Variants in PLEKHG1 observed in about 807,000 individuals in gnomAD.
The protein encoded by PLEKHG1 is pleckstrin homology and RhoGEF domain containing G1.
Under a neutral mutation model 100.8 loss-of-function variants are expected in PLEKHG1, and 44 were observed. That is an observed-to-expected ratio of 0.44 (90% CI 0.34 to 0.56). The LOEUF is 0.56. Among genes scored for constraint, PLEKHG1 ranks in the 20% least tolerant of loss-of-function variants. The probability of loss-of-function intolerance (pLI) is 0.01; values close to 1 mark genes in which losing one functional copy is unlikely to be tolerated. For missense variants in PLEKHG1, 1,545 were observed against 1,720.9 expected (o/e 0.90, Z 1.81); for synonymous variants, 640 against 662.5 (o/e 0.97, Z 0.52).
At chr6:150,744,378 C>A (rs1410032383) in intron 2 of PLEKHG1, among the ~76,000 whole-genome samples, 2 of 152,028 alleles carry the variant, frequency 1.3e-5, no homozygotes, top group African/African-American at 2.4e-5. Context: ...CTGGCCCCTG[C>A]CCTTCTTTTA....
At chr6:150,759,219 C>T (rs1004866555) in intron 2 of PLEKHG1, among the ~76,000 whole-genome samples, 2 of 152,138 alleles carry the variant, frequency 1.3e-5, no homozygotes, top group African/African-American at 4.8e-5. Flanking sequence ...AGCTGGTGTG[C>T]TTGGCTGAAG....
intron 15 of PLEKHG1, among the ~76,000 whole-genome samples, chr6:150,835,331 A>G (rs1360865860): frequency 6.6e-6 from 1 of 152,124 alleles, no homozygotes; most frequent in Non-Finnish European, 1.5e-5. Context: ...TACAGGCTTG[A>G]GAAATTTTCC....
At chr6:150,754,236 C>T (rs1050060771) in intron 2 of PLEKHG1, among the ~76,000 whole-genome samples, 2 of 151,986 alleles carry the variant, frequency 1.3e-5, no homozygotes, top group Admixed American at 6.6e-5. Context: ...AATAATAAAA[C>T]GACATGAGAG....
intron 2 of PLEKHG1, among the ~76,000 whole-genome samples, chr6:150,737,339 C>T (rs1199209909): frequency 1.5e-5 from 2 of 137,790 alleles, no homozygotes; most frequent in Admixed American, 8.0e-5. Context: ...GGCTGGAGTG[C>T]GGAGTGCAGT....
chr6:150,611,277 A>C (rs1448661844), intron 1 of PLEKHG1, among the ~76,000 whole-genome samples: 3 of 152,234 alleles, frequency 2.0e-5, no homozygotes, highest in African/African-American at 4.8e-5. Flanking sequence ...ATGAAAAAAC[A>C]AGTCTGAGAA....
At position 150,830,909 on chromosome 6, in the gene PLEKHG1, A is replaced by C. The variant is rs756040788; in HGVS notation, c.1798A>C (p.Ser600Arg). 15 of 1,614,158 alleles carry C rather than the reference A, an allele frequency of 9.3e-6. No homozygotes were observed. In the Admixed American group the frequency reaches 2.2e-4, roughly 23 times the overall value. ...ACAGATGGAGTCCACAGAGACCTCC[A>C]GCTCTGGTCACAGGATTGTCAGGCG... Residue 600 changes from serine (S) to arginine (R), a missense_variant, in exon 15 of 16, where the codon AGC becomes CGC. By Grantham distance (110) the Ser-to-Arg change is moderately radical. Coordinates refer to ENST00000358517, the Ensembl canonical transcript of PLEKHG1.
At chr6:150,808,145 C>CA (rs1164809362) in intron 7 of PLEKHG1, among the ~76,000 whole-genome samples, 2 of 152,080 alleles carry the variant, frequency 1.3e-5, no homozygotes, top group East Asian at 3.9e-4. Context: ...GTTTATTATG[C>CA]ATTGTATGCC....
intron 10 of PLEKHG1, among the ~76,000 whole-genome samples, chr6:150,813,327 G>C (rs1457246699): frequency 6.6e-6 from 1 of 150,480 alleles, no homozygotes; most frequent in Non-Finnish European, 1.5e-5. Flanking sequence ...AAACAAAATG[G>C]ACCAGTCACT....
At chr6:150,611,071 T>A (rs1776806885) in intron 1 of PLEKHG1, among the ~76,000 whole-genome samples, 2 of 152,210 alleles carry the variant, frequency 1.3e-5, no homozygotes, top group African/African-American at 4.8e-5. Flanking sequence ...GGCATATAGA[T>A]CATGCCATAC....
intron 1 of PLEKHG1, among the ~76,000 whole-genome samples, chr6:150,723,496 A>T (rs75333451): frequency 0.067 from 10,147 of 152,226 alleles, 458 homozygotes; most frequent in Admixed American, 0.14. Flanking sequence ...CTATTTTATG[A>T]GTACAAGGAA....
intron 7 of PLEKHG1, 30 bp from the exon 9 acceptor site, chr6:150,809,075 G>A (rs1787323886): frequency 3.1e-6 from 5 of 1,592,876 alleles, no homozygotes; most frequent in African/African-American, 2.7e-5. Context: ...TCTGCCTCCT[G>A]TAAATGCCAT....
At chr6:150,717,240 A>G (rs1781478739), upstream of PLEKHG1, among the ~76,000 whole-genome samples, 2 of 149,512 alleles carry the variant, frequency 1.3e-5, no homozygotes, top group South Asian at 4.2e-4. Context: ...GAGTTTTACC[A>G]TGTTGGGTAG....
In PLEKHG1 at chr6:150,629,237, CTT is replaced by C. The variant is rs1050102777; in HGVS notation, c.-203-8841_-203-8840del. 3.9e-5 allele frequency among the ~76,000 whole-genome samples: 6 copies of C among 152,280 alleles called. No homozygotes were observed. The East Asian group carries it at 7.7e-4, about 20-fold the overall frequency. On this transcript the variant is annotated intron_variant, in intron 1 of 3. Coordinates refer to the PLEKHG1 transcript ENST00000367326. ...TATCTGTCAAGGCCTCGAAGGGACTCTTTGACTCATTTTTCGGATATACCCTA... is the reference window on the plus strand; with the variant it reads ...TATCTGTCAAGGCCTCGAAGGGACTCTGACTCATTTTTCGGATATACCCTA...
chr6:150,652,373 A>T (rs921641325), intron 3 of PLEKHG1, among the ~76,000 whole-genome samples: 34 of 152,322 alleles, frequency 2.2e-4, no homozygotes, highest in African/African-American at 8.2e-4. Flanking sequence ...TGTTAGGAAT[A>T]GATGAAGAAA....
chr6:150,795,721 T>TAAA, intron 4 of PLEKHG1, 135 bp from the exon 6 acceptor site: 5 of 295,992 alleles, frequency 1.7e-5, no homozygotes, highest in Admixed American at 5.5e-5. Context: ...AAACTCCGCC[T>TAAA]AAAAAAAAAA....
At chr6:150,837,365 T>C (rs946925874) in intron 15 of PLEKHG1, among the ~76,000 whole-genome samples, 5 of 151,884 alleles carry the variant, frequency 3.3e-5, no homozygotes, top group Admixed American at 3.3e-4. Context: ...GAGAGATGAG[T>C]AGGATTTGAT....
chr6:150,730,680 A>G (rs1782201604), intron 1 of PLEKHG1, among the ~76,000 whole-genome samples: 2 of 152,114 alleles, frequency 1.3e-5, no homozygotes, highest in Admixed American at 1.3e-4. Context: ...AGGTGGGTGG[A>G]TCACCTGCGG....
At chr6:150,643,736 G>T (rs1380692675) in intron 2 of PLEKHG1, among the ~76,000 whole-genome samples, 1 of 152,098 alleles carries the variant, frequency 6.6e-6, no homozygotes, top group Non-Finnish European at 1.5e-5. Context: ...GTAATGCCCG[G>T]CTCATACCAG....
At position 150,601,825 on chromosome 6, in the gene PLEKHG1, T is replaced by G. The variant is rs182202263; in HGVS notation, c.-204+1808T>G. Among the ~76,000 whole-genome samples, 21 of 152,314 alleles carry G rather than the reference T, an allele frequency of 1.4e-4. 1 individual carries two copies. The highest frequency in any genetic ancestry group is 1.2e-3 in the Admixed American group (18 of 15,308). On this transcript the variant is annotated intron_variant, in intron 1 of 3. Transcript: ENST00000367326. ...AGATGCCAGATAACTGCCCCGATTC[T>G]GCTCGTCCTTGGTGGCATTTTCCTG... is the stretch of plus-strand genomic sequence containing the variant.
Sources: gnomAD v4.1 joint callset for allele counts (sites outside exome capture counted in the v4.1 genomes callset) on GRCh38, gnomAD v4.1.1 for gene constraint, MANE v1.5 for transcripts, NCBI Gene and HGNC (gene_info 2026-07-23, HGNC 2026-07-21) for gene names.